The following MFHAS1 variants were observed in gnomAD, a reference collection of about 807,000 sequenced individuals.
MFHAS1 encodes the protein multifunctional ROCO family signaling regulator 1, also known as malignant fibrous histiocytoma-amplified sequence 1.
MFHAS1 carries 50 observed loss-of-function variants against 70.4 expected under a neutral mutation model. The observed-to-expected ratio is 0.71, with a 90% CI of 0.57 to 0.90. The LOEUF is 0.90. MFHAS1 is among the 40% of genes least tolerant of loss of function. The probability of loss-of-function intolerance (pLI) is 0.00; values close to 1 mark genes in which losing one functional copy is unlikely to be tolerated. For synonymous variants in MFHAS1, 952 were observed against 620.0 expected, an observed-to-expected ratio of 1.54 and a Z score of -7.96; for missense variants, 1,795 against 1,347.6, an observed-to-expected ratio of 1.33 and a Z score of -5.20.
chr8:8,872,973 C>G (rs1206557169), intron 1 of MFHAS1, among the ~76,000 whole-genome samples: 1 of 152,096 alleles, frequency 6.6e-6, no homozygotes, highest in African/African-American at 2.4e-5. Flanking sequence ...CGGGCAGTGC[C>G]ACTCGTGAGC....
At chr8:8,821,088 C>T (rs1037856319) in intron 1 of MFHAS1, among the ~76,000 whole-genome samples, 1 of 152,182 alleles carries the variant, frequency 6.6e-6, no homozygotes, top group Non-Finnish European at 1.5e-5. Context: ...ACATATCTTC[C>T]CCCTGCCTGT....
At chr8:8,884,768 G>C (rs1809687191) in intron 1 of MFHAS1, among the ~76,000 whole-genome samples, 1 of 152,164 alleles carries the variant, frequency 6.6e-6, no homozygotes, top group Non-Finnish European at 1.5e-5. Flanking sequence ...GAGCAACACA[G>C]CGAAACCCTG....
intron 2 of MFHAS1, among the ~76,000 whole-genome samples, chr8:8,790,054 A>C (rs1257927357): frequency 1.3e-5 from 2 of 152,194 alleles, no homozygotes; most frequent in African/African-American, 4.8e-5. Flanking sequence ...GCATAATATT[A>C]ACATTTTTCA....
At chr8:8,871,718 G>A (rs1809081703) in intron 1 of MFHAS1, among the ~76,000 whole-genome samples, 2 of 152,206 alleles carry the variant, frequency 1.3e-5, no homozygotes, top group South Asian at 4.1e-4. Flanking sequence ...GCTTCCCAGA[G>A]GTCCAGGCCC....
chr8:8,850,798 T>C (rs1391059683), intron 1 of MFHAS1, among the ~76,000 whole-genome samples: 4 of 114,662 alleles, frequency 3.5e-5, no homozygotes, highest in African/African-American at 1.1e-4. Flanking sequence ...GCAACAGGAG[T>C]GAAACTCCGT....
chr8:8,821,930 C>T (rs1353850836), intron 1 of MFHAS1: 1 of 152,338 alleles, frequency 6.6e-6, no homozygotes, highest in African/African-American at 2.4e-5. Flanking sequence ...GCTCTGCCAT[C>T]TCCTAGCAGC....
At chr8:8,825,002 C>G (rs928693345) in intron 1 of MFHAS1, among the ~76,000 whole-genome samples, 1 of 152,184 alleles carries the variant, frequency 6.6e-6, no homozygotes, top group Non-Finnish European at 1.5e-5. Flanking sequence ...CTGCTTTCAC[C>G]AAGGAAGGGA....
intron 1 of MFHAS1, among the ~76,000 whole-genome samples, chr8:8,827,497 T>G (rs1404415346): frequency 6.6e-6 from 1 of 152,242 alleles, no homozygotes; most frequent in Non-Finnish European, 1.5e-5. Context: ...TTCCTTTGCA[T>G]TTTTAAACAA....
At chr8:8,860,999 C>T (rs1344981585) in intron 1 of MFHAS1, among the ~76,000 whole-genome samples, 1 of 152,168 alleles carries the variant, frequency 6.6e-6, no homozygotes, top group Non-Finnish European at 1.5e-5. Flanking sequence ...TTCTATTTCA[C>T]AGTCCCTATT....
chr8:8,885,753 A>C (rs1286915210), intron 1 of MFHAS1, among the ~76,000 whole-genome samples: 2 of 152,252 alleles, frequency 1.3e-5, no homozygotes, highest in East Asian at 3.8e-4. Flanking sequence ...CCTGTCGCCC[A>C]GGCTGGAGCG....
chr8:8,865,142 T>G (rs1320776640), intron 1 of MFHAS1, among the ~76,000 whole-genome samples: 1 of 151,740 alleles, frequency 6.6e-6, no homozygotes, highest in African/African-American at 2.4e-5. Flanking sequence ...CTGGGCACGG[T>G]GGCATGCACC....
intron 2 of MFHAS1, among the ~76,000 whole-genome samples, chr8:8,790,755 T>C (rs1225675406): frequency 6.6e-6 from 1 of 152,254 alleles, no homozygotes; most frequent in Non-Finnish European, 1.5e-5. Flanking sequence ...AAGTTCATGC[T>C]AATTTGTGTG....
At position 8,882,297 on chromosome 8, in the gene MFHAS1, G is replaced by C. The variant is rs911582871; in HGVS notation, c.2998+7764C>G. Among the ~76,000 whole-genome samples, 4 of 152,314 alleles carry C rather than the reference G, an allele frequency of 2.6e-5. No individual in the cohort carries two copies. In the South Asian group the frequency reaches 8.3e-4, roughly 32 times the overall value. ...CCCAGCTACGTGGGAGGCTGGGGCA[G>C]GAGAATCACTTGAACCCAGGAGGTG... is the stretch of plus-strand genomic sequence containing the variant. On this transcript the variant is annotated intron_variant, in intron 1 of 2. Transcript: ENST00000276282.
chr8:8,819,553 A>G lies in MFHAS1; in HGVS notation c.2999-22062T>C, dbSNP rs1010324142. 3.3e-5 allele frequency among the ~76,000 whole-genome samples: 5 copies of G among 150,942 alleles called. No homozygotes were observed. The East Asian group carries it at 5.8e-4, about 18-fold the overall frequency. On this transcript the variant is annotated intron_variant, in intron 1 of 2. Coordinates refer to ENST00000276282, the MANE Select transcript of MFHAS1 (RefSeq NM_004225.3). ...CGGGAGGCGGAGCTTGCAGTGAGCC[A>G]AGATCACGCCACTGCACTCCAGCCT...
chr8:8,889,534 A>G (rs541528521), intron 1 of MFHAS1, among the ~76,000 whole-genome samples: 1 of 152,328 alleles, frequency 6.6e-6, no homozygotes, highest in South Asian at 2.1e-4. Context: ...TTACAATCTG[A>G]TTTCTATGCA....
At chr8:8,888,710 G>A (rs1318057933) in intron 1 of MFHAS1, among the ~76,000 whole-genome samples, 2 of 152,170 alleles carry the variant, frequency 1.3e-5, no homozygotes, top group African/African-American at 4.8e-5. Flanking sequence ...TGGGGGGAAT[G>A]AATTGGCAGA....
rs577649733 is a variant in MFHAS1, at chr8:8,800,194, G to A, written c.2999-2703C>T. Among the ~76,000 whole-genome samples, 122 of 152,192 alleles carry A rather than the reference G, an allele frequency of 8.0e-4. 1 individual carries two copies. The highest frequency in any genetic ancestry group is 1.6e-3 in the Non-Finnish European group (109 of 68,022). Reference sequence around the variant, plus strand: ...GACGTGTACATTTTTATATAGTGTCGCACAATATTAAGTGAATGTAATTTG... The same window carrying A: ...GACGTGTACATTTTTATATAGTGTCACACAATATTAAGTGAATGTAATTTG... On this transcript the variant is annotated intron_variant, in intron 1 of 2. Coordinates refer to ENST00000276282, the MANE Select transcript of MFHAS1 (RefSeq NM_004225.3).
At chr8:8,806,890 G>A (rs1170138637) in intron 1 of MFHAS1, among the ~76,000 whole-genome samples, 1 of 152,086 alleles carries the variant, frequency 6.6e-6, no homozygotes, top group Non-Finnish European at 1.5e-5. Context: ...GAACCCGGGA[G>A]GCAGAGGTTG....
chr8:8,877,486 G>A (rs1227046711), intron 1 of MFHAS1, among the ~76,000 whole-genome samples: 1 of 152,106 alleles, frequency 6.6e-6, no homozygotes, highest in East Asian at 1.9e-4. Context: ...GTCTATTAGG[G>A]TAAGATTTAG....
Sources: allele counts gnomAD v4.1 joint callset (sites outside exome capture counted in the v4.1 genomes callset), GRCh38; gene constraint gnomAD v4.1.1; transcripts MANE v1.5; gene names NCBI Gene and HGNC (gene_info 2026-07-23, HGNC 2026-07-21).